ZNF469: variants seen among roughly 807,000 people sequenced by gnomAD.
ZNF469 encodes zinc finger protein 469.
In ZNF469, 1 loss-of-function variant was observed where a neutral mutation model predicts 1.0. The ratio of observed to expected loss-of-function variants is 1.00; its 90% CI spans 0.35 to 4.73. The LOEUF is 4.73. ZNF469 is among the 30% of genes most tolerant of loss of function. The pLI, the probability that ZNF469 is intolerant of heterozygous loss-of-function variation, is 0.16. For missense variants in ZNF469, 6,100 were observed against 5,356.3 expected, an observed-to-expected ratio of 1.14 and a Z score of -4.33; for synonymous variants, 2,703 against 2,363.4, an observed-to-expected ratio of 1.14 and a Z score of -4.17.
chr16:88,134,097 C>CAGTGAATG, the ZNF469 span, among the ~76,000 whole-genome samples: 2 of 150,634 alleles, frequency 1.3e-5, no homozygotes, highest in African/African-American at 4.9e-5. Context: ...GTCTCTGTCT[C>CAGTGAATG]AATGAATGAA....
the ZNF469 span, among the ~76,000 whole-genome samples, chr16:88,326,564 A>T: frequency 6.6e-6 from 1 of 152,154 alleles, no homozygotes; most frequent in Non-Finnish European, 1.5e-5. Flanking sequence ...CAGGGCAGTG[A>T]CACTGCTGGG....
chr16:88,148,634 C>G, the ZNF469 span, among the ~76,000 whole-genome samples: 1 of 152,178 alleles, frequency 6.6e-6, no homozygotes, highest in African/African-American at 2.4e-5. Context: ...GGCAAACCCC[C>G]TTCCAGAAGC....
At chr16:88,314,092 T>A in the ZNF469 span, among the ~76,000 whole-genome samples, 1 of 142,134 alleles carries the variant, frequency 7.0e-6, no homozygotes, top group Non-Finnish European at 1.6e-5. Context: ...GTGATTATGA[T>A]GATGCTGCTG....
chr16:88,328,417 C>T, the ZNF469 span, among the ~76,000 whole-genome samples: 1 of 152,324 alleles, frequency 6.6e-6, no homozygotes, highest in African/African-American at 2.4e-5. Flanking sequence ...GGAGGTTCCC[C>T]AGGAAAACGC....
upstream of ZNF469, among the ~76,000 whole-genome samples, chr16:88,380,896 TCACA>T (rs149432920): frequency 8.3e-4 from 77 of 93,016 alleles, 1 homozygote; most frequent in African/African-American, 3.5e-3. Context: ...AGACATGCAC[TCACA>T]CACACTCACA....
At chr16:88,272,498 A>T in the ZNF469 span, among the ~76,000 whole-genome samples, 1 of 147,834 alleles carries the variant, frequency 6.8e-6, no homozygotes, top group Admixed American at 6.8e-5. Context: ...GAGTGGATAG[A>T]TGAATGAACA....
At chr16:88,130,679 C>T in the ZNF469 span, among the ~76,000 whole-genome samples, 1 of 148,782 alleles carries the variant, frequency 6.7e-6, no homozygotes. Flanking sequence ...GCACTCCAGC[C>T]TGGGCCACAA....
the ZNF469 span, among the ~76,000 whole-genome samples, chr16:88,289,512 T>C: frequency 6.6e-6 from 1 of 152,218 alleles, no homozygotes; most frequent in Non-Finnish European, 1.5e-5. Flanking sequence ...GTTTGTTCTC[T>C]GTTAAGTAAG....
At chr16:88,262,235 C>G in the ZNF469 span, among the ~76,000 whole-genome samples, 2 of 152,140 alleles carry the variant, frequency 1.3e-5, no homozygotes, top group Admixed American at 6.5e-5. This position sits in a 1 kb window ranked among gnomAD's most constrained non-coding sequence, Gnocchi z 4.3. Flanking sequence ...AAGTGGAAAT[C>G]TGTGCTGGAA....
At chr16:88,332,409 C>T in the ZNF469 span, among the ~76,000 whole-genome samples, 1 of 152,242 alleles carries the variant, frequency 6.6e-6, no homozygotes, top group Non-Finnish European at 1.5e-5. Context: ...GCGTGCCCTG[C>T]CCCCTCTGTG....
chr16:88,265,017 C>T, the ZNF469 span, among the ~76,000 whole-genome samples: 11 of 151,966 alleles, frequency 7.2e-5, no homozygotes, highest in Non-Finnish European at 1.2e-4. Context: ...TTTCCTCTGG[C>T]GCTGACCTAC....
the ZNF469 span, among the ~76,000 whole-genome samples, chr16:88,160,338 C>T: frequency 6.6e-6 from 1 of 152,184 alleles, no homozygotes; most frequent in African/African-American, 2.4e-5. Context: ...AGTGACCTCC[C>T]ATTGACAGCA....
At chr16:88,422,375 G>A (rs1905496259) in intron 1 of ZNF469, among the ~76,000 whole-genome samples, 1 of 141,586 alleles carries the variant, frequency 7.1e-6, no homozygotes, top group Non-Finnish European at 1.5e-5. Context: ...ATGGGTGGAT[G>A]AATGAATGGG....
chr16:88,299,890 G>A, the ZNF469 span, among the ~76,000 whole-genome samples: 12 of 152,206 alleles, frequency 7.9e-5, no homozygotes, highest in Non-Finnish European at 1.8e-4. Flanking sequence ...CACTGCCCCG[G>A]TGCAATGGCA....
the ZNF469 span, among the ~76,000 whole-genome samples, chr16:88,134,135 T>A: frequency 1.3e-5 from 2 of 149,406 alleles, no homozygotes; most frequent in Non-Finnish European, 2.9e-5. Flanking sequence ...GGAATCATCA[T>A]AGTGATCCCA....
At chr16:88,265,234 G>A in the ZNF469 span, among the ~76,000 whole-genome samples, 5 of 152,320 alleles carry the variant, frequency 3.3e-5, no homozygotes, top group South Asian at 1.0e-3. Flanking sequence ...CCTCCTCCAG[G>A]GGTGACTTCA....
Position 88,439,189 on chromosome 16 carries a change from A to AG in ZNF469, c.11723dup (p.Thr3909HisfsTer7). Reference sequence around the variant, plus strand: ...GAGACCCCTGCTCAGGCCCCCCAAGAGGGGCACAGCTGTCCACGGTGCTGA... The same window carrying AG: ...GAGACCCCTGCTCAGGCCCCCCAAGAGGGGGCACAGCTGTCCACGGTGCTGA... On this transcript the variant is annotated frameshift_variant, in exon 3 of 3. Coordinates refer to ENST00000565624, the MANE Select transcript of ZNF469 (RefSeq NM_001367624.2). LOFTEE classifies it low-confidence loss of function (END_TRUNC). 6.5e-7 allele frequency: 1 copy of AG among 1,550,362 alleles called. No homozygotes were observed. Among genetic ancestry groups the AG allele is most frequent in the Non-Finnish European group, 8.7e-7 (1 of 1,146,956 alleles).
At chr16:88,104,472 A>G in the ZNF469 span, among the ~76,000 whole-genome samples, 1 of 151,476 alleles carries the variant, frequency 6.6e-6, no homozygotes, top group Non-Finnish European at 1.5e-5. Context: ...GGCCCCTTTC[A>G]TTACCCCGGA....
rs149146050 is a variant in ZNF469, at chr16:88,407,342, G to T, written c.-191-17465G>T. 5.1e-4 allele frequency among the ~76,000 whole-genome samples: 75 copies of T among 148,512 alleles called. No homozygotes were observed. In the East Asian group the frequency reaches 6.5e-3, roughly 13 times the overall value. On this transcript the variant is annotated intron_variant, in intron 1 of 2. Transcript: ENST00000565624. The stretch of plus-strand genomic sequence containing the variant: ...AGCTGGGAGCCGGCATCATGGCAGG[G>T]CTCACGGTACCCTCTTCTCAGTGTT...
Sources: allele counts gnomAD v4.1 joint callset (sites outside exome capture counted in the v4.1 genomes callset), GRCh38; gene constraint gnomAD v4.1.1; non-coding constraint Gnocchi (gnomAD v3.1); transcripts MANE v1.5; gene names NCBI Gene and HGNC (gene_info 2026-07-23, HGNC 2026-07-21).